PIK3R3: variants seen among roughly 807,000 people sequenced by gnomAD.
PIK3R3 encodes phosphoinositide-3-kinase regulatory subunit 3, also known as phosphatidylinositol 3-kinase regulatory subunit gamma.
In PIK3R3, 64 loss-of-function variants were observed where a neutral mutation model predicts 62.9. The ratio of observed to expected loss-of-function variants is 1.02; its 90% CI spans 0.83 to 1.25. PIK3R3 has a LOEUF of 1.25. Among genes scored for constraint, PIK3R3 ranks in the 50% most tolerant of loss-of-function variants. The pLI is 0.00. For synonymous variants in PIK3R3, 165 were observed against 189.0 expected (o/e 0.87, Z 1.04); for missense variants, 614 against 561.6 (o/e 1.09, Z -0.94).
the PIK3R3 span, among the ~76,000 whole-genome samples, chr1:46,162,853 C>T: frequency 2.0e-5 from 3 of 152,280 alleles, no homozygotes; most frequent in South Asian, 6.2e-4. Flanking sequence ...AAACTCTTGA[C>T]CTCAAGTGAT....
At chr1:46,106,865 G>A (rs1007595219) in intron 1 of PIK3R3, among the ~76,000 whole-genome samples, 1 of 151,712 alleles carries the variant, frequency 6.6e-6, no homozygotes, top group Non-Finnish European at 1.5e-5. Context: ...AACCTCTGCC[G>A]CCTGGGTTCA....
At chr1:46,157,626 CA>C in the PIK3R3 span, among the ~76,000 whole-genome samples, 1 of 152,202 alleles carries the variant, frequency 6.6e-6, no homozygotes, top group African/African-American at 2.4e-5. Context: ...GGCCAAAACT[CA>C]ATTCTTCGTC....
At chr1:46,050,550 A>T (rs1484564640) in intron 7 of PIK3R3, among the ~76,000 whole-genome samples, 1 of 152,228 alleles carries the variant, frequency 6.6e-6, no homozygotes, top group Non-Finnish European at 1.5e-5. Flanking sequence ...GGGCAACAAG[A>T]GCGAAAATCT....
At chr1:46,155,781 T>C in the PIK3R3 span, among the ~76,000 whole-genome samples, 1 of 152,168 alleles carries the variant, frequency 6.6e-6, no homozygotes, top group Admixed American at 6.5e-5. Context: ...TAAAAAATTT[T>C]AATTGTTATG....
the PIK3R3 span, among the ~76,000 whole-genome samples, chr1:46,168,427 T>C: frequency 5.9e-5 from 9 of 152,280 alleles, no homozygotes; most frequent in South Asian, 1.9e-3. Flanking sequence ...GTGTGACCCT[T>C]GGAAGGGCCT....
At chr1:46,138,687 A>C in the PIK3R3 span, among the ~76,000 whole-genome samples, 2 of 152,184 alleles carry the variant, frequency 1.3e-5, no homozygotes, top group Non-Finnish European at 2.9e-5. Flanking sequence ...CTCCCCAAAC[A>C]CTTCTGCAGG....
In PIK3R3 at chr1:46,052,494, T is replaced by C. The variant is rs539201777; in HGVS notation, c.941+3301A>G. ...TTTTAATGTATTTATTGAGTTATAA[T>C]ACACATAAAGCACATTAATCTTAAG... is the stretch of plus-strand genomic sequence containing the variant. On this transcript the variant is annotated intron_variant, in intron 7 of 9. Coordinates refer to ENST00000262741, the MANE Select transcript of PIK3R3 (RefSeq NM_003629.4). Among the ~76,000 whole-genome samples, 19 of 152,292 alleles carry C rather than the reference T, an allele frequency of 1.2e-4. No homozygotes were observed. The South Asian group carries it at 3.5e-3, about 28-fold the overall frequency.
chr1:46,079,041 G>C (rs1185072815), intron 2 of PIK3R3, among the ~76,000 whole-genome samples: 1 of 152,068 alleles, frequency 6.6e-6, no homozygotes, highest in Non-Finnish European at 1.5e-5. Context: ...TTCTGGAGAT[G>C]GATGGTGATG....
At chr1:46,146,736 CACACACACACACACACA>C in the PIK3R3 span, among the ~76,000 whole-genome samples, 1 of 115,730 alleles carries the variant, frequency 8.6e-6, no homozygotes, top group Non-Finnish European at 1.8e-5. Context: ...CACACACACA[CACACACACACACACACA>C]CAGCTTTGGT....
chr1:46,133,230 GA>G (rs1655782561), upstream of PIK3R3, among the ~76,000 whole-genome samples: 2 of 152,356 alleles, frequency 1.3e-5, no homozygotes, highest in Admixed American at 6.5e-5. Flanking sequence ...AAGAAAGAAA[GA>G]AAGGAAGAAA....
At chr1:46,174,157 A>G in the PIK3R3 span, among the ~76,000 whole-genome samples, 1 of 152,144 alleles carries the variant, frequency 6.6e-6, no homozygotes. Context: ...ATGTGCTTGC[A>G]TGCATGTGTG....
upstream of PIK3R3, among the ~76,000 whole-genome samples, chr1:46,138,007 G>T (rs1270054593): frequency 6.6e-6 from 1 of 152,176 alleles, no homozygotes; most frequent in Non-Finnish European, 1.5e-5. Context: ...TGACCCTAGG[G>T]TCTTCACCAC....
chr1:46,054,397 CAA>C (rs10649671), intron 7 of PIK3R3, among the ~76,000 whole-genome samples: 66 of 80,036 alleles, frequency 8.2e-4, no homozygotes, highest in Middle Eastern at 6.9e-3. Flanking sequence ...CTCCGCCTCA[CAA>C]AAAAAAAAAA....
At chr1:46,098,437 G>A (rs915217518) in intron 1 of PIK3R3, among the ~76,000 whole-genome samples, 3 of 152,160 alleles carry the variant, frequency 2.0e-5, no homozygotes, top group African/African-American at 7.2e-5. Context: ...GCTAAATGTG[G>A]AAACAACCCA....
intron 1 of PIK3R3, chr1:46,104,939 A>G (rs1039512413): frequency 1.9e-6 from 1 of 529,280 alleles, no homozygotes; most frequent in Non-Finnish European, 3.4e-6. Flanking sequence ...AAAAAAAAAA[A>G]AAAAAAAAAA....
At chr1:46,048,614 G>C (rs1768818) in intron 7 of PIK3R3, among the ~76,000 whole-genome samples, 102,381 of 151,884 alleles carry the variant, frequency 0.67, 34,753 homozygotes, top group Non-Finnish European at 0.71. Context: ...ATGAATGCAC[G>C]ACATTTTCTC....
At position 46,055,156 on chromosome 1, in the gene PIK3R3, T is replaced by A. The variant is rs988156355; in HGVS notation, c.941+639A>T. ...GGAGTCTCACTCTGTCACCCAGGCA[T>A]GGAGTGCAGTGGCGTGATCTCGGCT... On this transcript the variant is annotated intron_variant, in intron 7 of 9. Coordinates refer to ENST00000262741, the MANE Select transcript of PIK3R3 (RefSeq NM_003629.4). 5.7e-3 allele frequency among the ~76,000 whole-genome samples: 70 copies of A among 12,178 alleles called. 1 individual carries two copies. Among genetic ancestry groups the A allele is most frequent in the African/African-American group, 0.03 (69 of 2,300 alleles). The allele number at this position is 12,178 out of a possible 152,430, so 8.0% of individuals were successfully genotyped here.
intron 8 of PIK3R3, 43 bp downstream of exon 8, chr1:46,046,508 T>G: frequency 7.7e-7 from 1 of 1,295,634 alleles, no homozygotes; most frequent in Non-Finnish European, 1.1e-6. Flanking sequence ...TGTCTTATAT[T>G]GATAACAAAG....
intron 7 of PIK3R3, among the ~76,000 whole-genome samples, chr1:46,048,686 C>T (rs1036605347): frequency 1.3e-5 from 2 of 151,936 alleles, no homozygotes; most frequent in Non-Finnish European, 2.9e-5. Context: ...TTCTGCCACA[C>T]ACAATGTTAG....
Sources: gnomAD v4.1 joint callset for allele counts (sites outside exome capture counted in the v4.1 genomes callset) on GRCh38, gnomAD v4.1.1 for gene constraint, MANE v1.5 for transcripts, NCBI Gene and HGNC (gene_info 2026-07-23, HGNC 2026-07-21) for gene names.